ENTREP2: variants seen among roughly 807,000 people sequenced by gnomAD.
ENTREP2 encodes protein ENTREP2.
chr15:29,560,893 C>G, the ENTREP2 span, among the ~76,000 whole-genome samples: 2 of 141,334 alleles, frequency 1.4e-5, no homozygotes, highest in South Asian at 4.6e-4. Flanking sequence ...TAGGCCAAAT[C>G]TGGCCTGCTG....
At chr15:29,226,765 CAAG>C in the ENTREP2 span, among the ~76,000 whole-genome samples, 12 of 152,172 alleles carry the variant, frequency 7.9e-5, no homozygotes, top group African/African-American at 2.9e-4. Context: ...GCTACCCCCT[CAAG>C]AAGAAATTCA....
the ENTREP2 span, among the ~76,000 whole-genome samples, chr15:29,251,159 C>T: frequency 6.6e-6 from 1 of 152,210 alleles, no homozygotes; most frequent in Non-Finnish European, 1.5e-5. Context: ...TTCTCAGAAT[C>T]ATAGCCACAG....
chr15:29,269,001 G>A, the ENTREP2 span: 1 of 1,614,144 alleles, frequency 6.2e-7, no homozygotes, highest in Non-Finnish European at 8.5e-7. Context: ...GTATCCGCCG[G>A]TATTCCAGGT....
the ENTREP2 span, among the ~76,000 whole-genome samples, chr15:29,561,158 T>A: frequency 6.7e-6 from 1 of 149,762 alleles, no homozygotes; most frequent in Non-Finnish European, 1.5e-5. Context: ...GGAAGGTAAG[T>A]TAGTACAGCC....
the ENTREP2 span, among the ~76,000 whole-genome samples, chr15:29,319,629 T>C: frequency 6.6e-6 from 1 of 152,190 alleles, no homozygotes; most frequent in Non-Finnish European, 1.5e-5. Context: ...CTCCCATCCT[T>C]ATGATAAGAA....
chr15:29,340,467 T>C, the ENTREP2 span, among the ~76,000 whole-genome samples: 1 of 152,118 alleles, frequency 6.6e-6, no homozygotes, highest in East Asian at 1.9e-4. Flanking sequence ...AGAGGGCCAG[T>C]GCAGGGGAGG....
At chr15:29,368,568 A>G in the ENTREP2 span, among the ~76,000 whole-genome samples, 6 of 152,226 alleles carry the variant, frequency 3.9e-5, no homozygotes, top group South Asian at 1.0e-3. Flanking sequence ...ATGAAGAGAT[A>G]GAAATTATAA....
the ENTREP2 span, among the ~76,000 whole-genome samples, chr15:29,198,691 A>C: frequency 6.6e-6 from 1 of 152,344 alleles, no homozygotes; most frequent in East Asian, 1.9e-4. Flanking sequence ...CCATGTTCCT[A>C]AAAGGCCTTC....
At chr15:29,572,889 G>A in the ENTREP2 span, among the ~76,000 whole-genome samples, 7 of 142,922 alleles carry the variant, frequency 4.9e-5, no homozygotes, top group Non-Finnish European at 9.0e-5. Flanking sequence ...AGAGTTTTCT[G>A]ACCACAATAC....
At chr15:29,283,560 T>A in the ENTREP2 span, among the ~76,000 whole-genome samples, 1 of 152,072 alleles carries the variant, frequency 6.6e-6, no homozygotes, top group Non-Finnish European at 1.5e-5. Context: ...TTAGCTATCA[T>A]AGCCTGCAGC....
the ENTREP2 span, among the ~76,000 whole-genome samples, chr15:29,583,441 G>A: frequency 6.6e-6 from 1 of 152,240 alleles, no homozygotes; most frequent in East Asian, 1.9e-4. Flanking sequence ...TGAACAATGA[G>A]AACACATGGA....
chr15:29,478,019 A>ATATATTT, the ENTREP2 span, among the ~76,000 whole-genome samples: 5 of 54,282 alleles, frequency 9.2e-5, no homozygotes, highest in Non-Finnish European at 1.2e-4. Context: ...ATATATATAT[A>ATATATTT]TTTTTTTTTT....
the ENTREP2 span, among the ~76,000 whole-genome samples, chr15:29,408,971 T>C: frequency 6.6e-6 from 1 of 152,322 alleles, no homozygotes; most frequent in East Asian, 1.9e-4. Context: ...CATTAACACA[T>C]CTAAAATATA....
the ENTREP2 span, among the ~76,000 whole-genome samples, chr15:29,444,215 A>AC: frequency 6.9e-6 from 1 of 145,224 alleles, no homozygotes; most frequent in South Asian, 2.1e-4. Flanking sequence ...AGAAAGAAAG[A>AC]AAGAAAGAAA....
chr15:29,649,180 G>C, the ENTREP2 span, among the ~76,000 whole-genome samples: 1 of 151,946 alleles, frequency 6.6e-6, no homozygotes, highest in Non-Finnish European at 1.5e-5. Flanking sequence ...TAAAAAAAGG[G>C]AGAAAAAAGT....
chr15:29,235,333 T>A, the ENTREP2 span, among the ~76,000 whole-genome samples: 1 of 152,218 alleles, frequency 6.6e-6, no homozygotes, highest in African/African-American at 2.4e-5. Flanking sequence ...TTCTTTTACC[T>A]TTTTTTGCTG....
the ENTREP2 span, among the ~76,000 whole-genome samples, chr15:29,510,225 C>T: frequency 1.3e-5 from 2 of 152,086 alleles, no homozygotes; most frequent in African/African-American, 4.8e-5. Context: ...GTTAGAATGG[C>T]GATCATTAAA....
the ENTREP2 span, among the ~76,000 whole-genome samples, chr15:29,656,771 G>A: frequency 6.6e-6 from 1 of 152,054 alleles, no homozygotes; most frequent in African/African-American, 2.4e-5. Flanking sequence ...AAATGGTAAA[G>A]CCACTCTGAA....
the ENTREP2 span, among the ~76,000 whole-genome samples, chr15:29,400,665 G>C: frequency 6.6e-6 from 1 of 152,152 alleles, no homozygotes; most frequent in Non-Finnish European, 1.5e-5. Context: ...AAAGAATCTT[G>C]AAGTAAGCCT....
Sources: gnomAD v4.1 joint callset for allele counts (sites outside exome capture counted in the v4.1 genomes callset) on GRCh38, gnomAD v4.1.1 for gene constraint, MANE v1.5 for transcripts, NCBI Gene and HGNC (gene_info 2026-07-23, HGNC 2026-07-21) for gene names.